The following EPB41 variants were observed in gnomAD, a reference collection of about 807,000 sequenced individuals.
EPB41 encodes protein 4.1.
EPB41 carries 65 observed loss-of-function variants against 108.0 expected under a neutral mutation model. The observed-to-expected ratio is 0.60, with a 90% CI of 0.49 to 0.74. The LOEUF (loss-of-function observed/expected upper bound fraction) is 0.74. Ranked by LOEUF, EPB41 falls within the 30% of genes least tolerant of loss-of-function variation. The pLI, the probability that EPB41 is intolerant of heterozygous loss-of-function variation, is 0.00. For missense variants in EPB41, 875 were observed against 1,037.0 expected (o/e 0.84, Z 2.15); for synonymous variants, 336 against 358.9 (o/e 0.94, Z 0.72).
chr1:28,982,562 G>C, intron 1 of EPB41: 1 of 1,495,330 alleles, frequency 6.7e-7, no homozygotes, highest in Non-Finnish European at 9.3e-7. Context: ...CCAGAGTAGC[G>C]TCCAGCCAGG....
chr1:29,001,912 A>G (rs1376325504), intron 4 of EPB41, among the ~76,000 whole-genome samples: 1 of 152,178 alleles, frequency 6.6e-6, no homozygotes, highest in Non-Finnish European at 1.5e-5. Context: ...TTCCTAAAGA[A>G]TGTTAATTTA....
intron 5 of EPB41, among the ~76,000 whole-genome samples, chr1:29,015,143 C>G (rs1049512075): frequency 1.3e-5 from 2 of 152,062 alleles, no homozygotes; most frequent in Non-Finnish European, 2.9e-5. Context: ...TATATTAAGT[C>G]AGGCAAAAAA....
At chr1:29,068,721 G>A in intron 16 of EPB41, 1 of 1,231,716 alleles carries the variant, frequency 8.1e-7, no homozygotes, top group Admixed American at 4.2e-5. Flanking sequence ...TATATAATTT[G>A]TGTATGACCA....
chr1:28,973,003 C>A lies in EPB41; in HGVS notation c.-7-14428C>A, dbSNP rs76998965. Among the ~76,000 whole-genome samples, 1,397 of 152,240 alleles carry A rather than the reference C, an allele frequency of 9.2e-3. 19 individuals carry two copies. Among genetic ancestry groups the A allele is most frequent in the African/African-American group, 0.031 (1,284 of 41,526 alleles). On this transcript the variant is annotated intron_variant, in intron 1 of 20. Coordinates refer to ENST00000343067, the MANE Select transcript of EPB41 (RefSeq NM_001376013.1). ...TTAAATTACCATTTTCATCCAAAGA[C>A]CACATTGGTGATTATCCTATTCTAG...
chr1:29,060,034 A>G (rs1389495260), intron 14 of EPB41, among the ~76,000 whole-genome samples: 1 of 152,206 alleles, frequency 6.6e-6, no homozygotes, highest in African/African-American at 2.4e-5. Flanking sequence ...CCAAAAGCTA[A>G]ATAATGTTTT....
chr1:28,959,641 G>C (rs2095117799), intron 1 of EPB41, among the ~76,000 whole-genome samples: 1 of 152,196 alleles, frequency 6.6e-6, no homozygotes, highest in East Asian at 1.9e-4. Flanking sequence ...TTATAGTCGA[G>C]TGAATTAGAG....
At chr1:29,097,572 T>G (rs749105881) in intron 16 of EPB41, 23 of 550,750 alleles carry the variant, frequency 4.2e-5, no homozygotes, top group Non-Finnish European at 7.5e-5. Flanking sequence ...CAGCTTTCCA[T>G]TAAGCTTATG....
intron 16 of EPB41, chr1:29,097,511 G>C: frequency 2.4e-6 from 1 of 418,006 alleles, no homozygotes; most frequent in Non-Finnish European, 4.5e-6. Context: ...TTCAAATTCT[G>C]AAGGTCAGTC....
intron 17 of EPB41, among the ~76,000 whole-genome samples, chr1:29,103,237 A>G (rs1026018377): frequency 2.0e-5 from 3 of 152,152 alleles, no homozygotes; most frequent in Non-Finnish European, 4.4e-5. Flanking sequence ...TTCAAAATAA[A>G]TTGTTTTAAA....
intron 3 of EPB41, among the ~76,000 whole-genome samples, 199 bp from the exon 4 acceptor site, chr1:28,997,016 G>A (rs866959406): frequency 6.6e-6 from 1 of 152,056 alleles, no homozygotes; most frequent in Non-Finnish European, 1.5e-5. Context: ...GTCAGGCATG[G>A]TGGTGCACAT....
At chr1:28,944,752 C>G (rs571303138) in intron 1 of EPB41, among the ~76,000 whole-genome samples, 1 of 151,772 alleles carries the variant, frequency 6.6e-6, no homozygotes, top group South Asian at 2.1e-4. Flanking sequence ...CTGGGCTAGT[C>G]TCAGACTCCC....
At chr1:28,984,427 A>G (rs2095827426) in intron 1 of EPB41, among the ~76,000 whole-genome samples, 1 of 152,218 alleles carries the variant, frequency 6.6e-6, no homozygotes, top group South Asian at 2.1e-4. Context: ...GTTAAAGTTG[A>G]AACAAGAATG....
At chr1:28,912,040 C>T (rs1185730619), upstream of EPB41, among the ~76,000 whole-genome samples, 1 of 152,078 alleles carries the variant, frequency 6.6e-6, no homozygotes, top group Non-Finnish European at 1.5e-5. Context: ...GAGCGAAACC[C>T]CTTCTCAAAA....
chr1:29,030,535 A>C (rs779250446), intron 8 of EPB41, 48 bp downstream of exon 8: 1 of 1,304,954 alleles, frequency 7.7e-7, no homozygotes, highest in Non-Finnish European at 1.1e-6. Context: ...AAGATATTAT[A>C]TGATACATGT....
rs1671522977 is a variant in EPB41 at position 29,119,475 on chromosome 1, C to G, written c.*2663C>G. The G allele has an allele frequency of 6.6e-6, 1 of 152,366 alleles. No individual in the cohort carries two copies. The highest frequency in any genetic ancestry group is 2.4e-5 in the African/African-American group (1 of 41,442). The allele number at this position is 152,366 out of a possible 1,614,324, so 9.4% of individuals were successfully genotyped here. A position where few individuals can be genotyped will look rare whatever the true frequency, so the allele number is the denominator to read the frequency against. ...TTAATTTGAGAAATAAAGATTTCCT[C>G]CAAGCCACATGAGGACTCTGGCACC... On this transcript the variant is annotated 3_prime_UTR_variant, in exon 21 of 21. Transcript: ENST00000343067.
At chr1:28,975,940 C>CAAAAAAAAA (rs775554564) in intron 1 of EPB41, among the ~76,000 whole-genome samples, 5 of 67,608 alleles carry the variant, frequency 7.4e-5, no homozygotes, top group South Asian at 4.5e-4. Flanking sequence ...GACTCCATCT[C>CAAAAAAAAA]AAAAAAAAAA....
chr1:29,035,180 T>A (rs996586255), intron 9 of EPB41, among the ~76,000 whole-genome samples: 2 of 152,028 alleles, frequency 1.3e-5, no homozygotes, highest in African/African-American at 2.4e-5. Context: ...AAATGAGGTT[T>A]CACCATGTTG....
At chr1:28,945,022 C>CG (rs2094443932) in intron 1 of EPB41, among the ~76,000 whole-genome samples, 1 of 147,760 alleles carries the variant, frequency 6.8e-6, no homozygotes, top group South Asian at 2.1e-4. Context: ...ATCTGGGATG[C>CG]GGAGGTTGCA....
chr1:28,918,528 T>A (rs2148183842), intron 1 of EPB41, among the ~76,000 whole-genome samples: 1 of 152,368 alleles, frequency 6.6e-6, no homozygotes, highest in East Asian at 1.9e-4. Context: ...TGAATAACTT[T>A]GTTTTTTTCC....
Sources: allele counts gnomAD v4.1 joint callset (sites outside exome capture counted in the v4.1 genomes callset), GRCh38; gene constraint gnomAD v4.1.1; transcripts MANE v1.5; gene names NCBI Gene and HGNC (gene_info 2026-07-23, HGNC 2026-07-21).